The following TANC2 variants were observed in gnomAD, a reference collection of about 807,000 sequenced individuals.
TANC2 encodes the protein protein TANC2.
TANC2 carries 26 observed loss-of-function variants against 210.5 expected under a neutral mutation model. That is an observed-to-expected ratio of 0.12 (90% CI 0.09 to 0.17). The LOEUF (loss-of-function observed/expected upper bound fraction) is 0.17. Ranked by LOEUF, TANC2 falls within the 10% of genes least tolerant of loss-of-function variation. The pLI is 1.00. For synonymous variants in TANC2, 931 were observed against 967.1 expected (o/e 0.96, Z 0.69); for missense variants, 2,129 against 2,608.9 (o/e 0.82, Z 4.01).
chr17:63,404,015 T>A (rs935437931), intron 19 of TANC2, among the ~76,000 whole-genome samples: 5 of 152,246 alleles, frequency 3.3e-5, no homozygotes, highest in Non-Finnish European at 1.5e-5. Context: ...GCAGTATCTG[T>A]GCCTGCCAAA....
chr17:63,175,493 C>G (rs1332773892), intron 5 of TANC2, among the ~76,000 whole-genome samples: 1 of 146,430 alleles, frequency 6.8e-6, no homozygotes, highest in Non-Finnish European at 1.5e-5. Flanking sequence ...TGCCACTGCA[C>G]TCTTACCTGG....
chr17:63,306,827 G>A (rs947658123), intron 9 of TANC2, among the ~76,000 whole-genome samples: 2 of 152,144 alleles, frequency 1.3e-5, no homozygotes, highest in African/African-American at 4.8e-5. Flanking sequence ...GGTGGGACAT[G>A]CCTATAGTCC....
chr17:63,372,563 T>C lies in TANC2; in HGVS notation c.2583-7155T>C, dbSNP rs75645295. ...AATATAAAAGAAATATAAAATAAAA[T>C]GCATTCGCTTAATATGTCTCACTTA... On this transcript the variant is annotated intron_variant, in intron 14 of 27. Coordinates refer to ENST00000689528, the Ensembl canonical transcript of TANC2. Among the ~76,000 whole-genome samples, 24 of 152,324 alleles carry C rather than the reference T, an allele frequency of 1.6e-4. No individual in the cohort carries two copies. In the East Asian group the frequency reaches 3.7e-3, roughly 23 times the overall value.
At chr17:63,208,177 G>A (rs1280570601) in intron 7 of TANC2, among the ~76,000 whole-genome samples, 6 of 151,736 alleles carry the variant, frequency 4.0e-5, no homozygotes, top group Non-Finnish European at 1.5e-5. Flanking sequence ...TTATATTTTT[G>A]TGAAACTTTG....
intron 12 of TANC2, among the ~76,000 whole-genome samples, chr17:63,346,578 C>T (rs1194211852): frequency 6.6e-6 from 1 of 152,090 alleles, no homozygotes; most frequent in Non-Finnish European, 1.5e-5. Flanking sequence ...TACCACTTCA[C>T]ACCCATTAGA....
chr17:63,238,270 C>G (rs1412270996), intron 8 of TANC2, among the ~76,000 whole-genome samples, 193 bp downstream of exon 8: 1 of 152,052 alleles, frequency 6.6e-6, no homozygotes, highest in Non-Finnish European at 1.5e-5. Flanking sequence ...GGTTCATCTT[C>G]CTCGAGTGAT....
Position 63,336,838 on chromosome 17 carries a change from C to T in TANC2, c.1576-3263C>T, listed in dbSNP as rs1007069603. 6.6e-5 allele frequency among the ~76,000 whole-genome samples: 10 copies of T among 152,086 alleles called. 1 individual carries two copies. Among genetic ancestry groups the T allele is most frequent in the African/African-American group, 2.4e-4 (10 of 41,406 alleles). ...AATTCGCCAAGGAGAAAGGTTTTAC[C>T]TGCTGATTTATTATGAGTAGACTAA... On this transcript the variant is annotated intron_variant, in intron 11 of 27. Transcript: ENST00000689528.
At chr17:63,401,153 T>C (rs2048331733) in intron 19 of TANC2, among the ~76,000 whole-genome samples, 1 of 152,204 alleles carries the variant, frequency 6.6e-6, no homozygotes, top group Non-Finnish European at 1.5e-5. Flanking sequence ...AATTTTATAA[T>C]GACCTATTGA....
intron 9 of TANC2, among the ~76,000 whole-genome samples, chr17:63,276,762 C>T (rs976745343): frequency 9.2e-5 from 14 of 152,068 alleles, no homozygotes; most frequent in Non-Finnish European, 2.1e-4. Flanking sequence ...AGACACTCTT[C>T]AAAAGGTGTA....
chr17:63,319,532 G>A (rs1048574097), intron 11 of TANC2, among the ~76,000 whole-genome samples: 3 of 152,112 alleles, frequency 2.0e-5, no homozygotes, highest in Non-Finnish European at 4.4e-5. Flanking sequence ...TGTATTTTTA[G>A]TAGAGACGGG....
intron 21 of TANC2, among the ~76,000 whole-genome samples, chr17:63,406,485 A>G (rs1295325649): frequency 1.3e-5 from 2 of 152,220 alleles, no homozygotes; most frequent in East Asian, 3.8e-4. Context: ...AGGGATTTAA[A>G]TGAAATTAAC....
intron 2 of TANC2, among the ~76,000 whole-genome samples, chr17:63,040,573 T>A (rs1422732270): frequency 6.6e-6 from 1 of 152,126 alleles, no homozygotes; most frequent in East Asian, 1.9e-4. Context: ...CTGTGCTGAT[T>A]TGTAACCATC....
intron 11 of TANC2, among the ~76,000 whole-genome samples, chr17:63,327,814 T>C (rs559791069): frequency 5.9e-5 from 9 of 152,304 alleles, no homozygotes; most frequent in African/African-American, 2.2e-4. Context: ...AGGGTACATG[T>C]GCACAATGTG....
intron 4 of TANC2, among the ~76,000 whole-genome samples, chr17:63,102,904 C>T (rs569905767): frequency 7.9e-5 from 12 of 151,830 alleles, no homozygotes; most frequent in African/African-American, 2.9e-4. Flanking sequence ...TTTTATAATC[C>T]CTAAACAATA....
At chr17:63,424,809 C>G (rs1244776723) in exon 28 of TANC2, 1 of 151,556 alleles carries the variant, frequency 6.6e-6, no homozygotes, top group African/African-American at 2.4e-5. Flanking sequence ...GTGTATTTTT[C>G]AAGAAAAAAG....
At chr17:63,227,614 G>A (rs2145978310) in intron 7 of TANC2, among the ~76,000 whole-genome samples, 1 of 152,228 alleles carries the variant, frequency 6.6e-6, no homozygotes, top group South Asian at 2.1e-4. Context: ...AGTTTAATTA[G>A]ATGCCATTTG....
chr17:63,385,265 T>G (rs1263069180), intron 15 of TANC2, among the ~76,000 whole-genome samples: 7 of 152,228 alleles, frequency 4.6e-5, no homozygotes, highest in Non-Finnish European at 1.0e-4. Context: ...TATTTCTTAA[T>G]GCTGATTTTT....
intron 9 of TANC2, among the ~76,000 whole-genome samples, chr17:63,299,251 A>C (rs1458759781): frequency 6.6e-6 from 1 of 152,178 alleles, no homozygotes; most frequent in African/African-American, 2.4e-5. Context: ...ATGTGTCTTT[A>C]TAGTAAAATG....
chr17:63,055,199 A>G (rs1373983660), intron 2 of TANC2, among the ~76,000 whole-genome samples: 4 of 152,234 alleles, frequency 2.6e-5, no homozygotes, highest in Non-Finnish European at 5.9e-5. Flanking sequence ...ATTCCTACAT[A>G]AATGACATTT....
Sources: gnomAD v4.1 joint callset for allele counts (sites outside exome capture counted in the v4.1 genomes callset) on GRCh38, gnomAD v4.1.1 for gene constraint, MANE v1.5 for transcripts, NCBI Gene and HGNC (gene_info 2026-07-23, HGNC 2026-07-21) for gene names.